The following RAB3GAP2 variants were observed in gnomAD, a reference collection of about 807,000 sequenced individuals.
The protein encoded by RAB3GAP2 is RAB3 GTPase activating non-catalytic protein subunit 2, also known as rab3 GTPase-activating protein non-catalytic subunit.
RAB3GAP2 carries 87 observed loss-of-function variants against 185.3 expected under a neutral mutation model. That is an observed-to-expected ratio of 0.47 (90% confidence interval 0.39 to 0.56). The LOEUF (loss-of-function observed/expected upper bound fraction) is 0.56. RAB3GAP2 is among the 20% of genes least tolerant of loss of function. The probability of loss-of-function intolerance (pLI) is 0.00; values close to 1 mark genes in which losing one functional copy is unlikely to be tolerated. For missense variants in RAB3GAP2, 1,492 were observed against 1,638.2 expected, an observed-to-expected ratio of 0.91 and a Z score of 1.54; for synonymous variants, 554 against 576.1, an observed-to-expected ratio of 0.96 and a Z score of 0.55.
chr1:220,190,416 C>A lies in RAB3GAP2; in HGVS notation c.1592G>T (p.Ser531Ile). Residue 531 changes from serine (S) to isoleucine (I), a missense_variant, in exon 15 of 35, where the codon AGT becomes ATT. Physicochemically the swap from Ser to Ile is moderately radical, Grantham distance 142. This residue lies in a region of RAB3GAP2 where 681 missense variants were observed against 689.1 expected (regional missense o/e 0.99). Coordinates refer to ENST00000358951, the MANE Select transcript of RAB3GAP2 (RefSeq NM_012414.4). ...QICLVDPVSG[S>I]VKTVNVPFHL... ...GAAGGGAACGTTCACTGTTTTCACA[C>A]TTCCAGACACTGGATCAACCAGACA... is the stretch of plus-strand genomic sequence containing the variant. 6.2e-7 allele frequency: 1 copy of A among 1,614,126 alleles called. No individual in the cohort carries two copies. Among genetic ancestry groups the A allele is most frequent in the African/African-American group, 1.3e-5 (1 of 75,048 alleles).
intron 17 of RAB3GAP2, among the ~76,000 whole-genome samples, chr1:220,189,222 G>T (rs1010832015): frequency 6.6e-6 from 1 of 151,570 alleles, no homozygotes; most frequent in African/African-American, 2.4e-5. Context: ...GGATGTGTAG[G>T]TATGTGTATA....
Position 220,153,152 on chromosome 1 carries a change from G to C in RAB3GAP2, c.3867+33C>G, listed in dbSNP as rs114940727. ...ATTCCAACTATCAATTTTATAACTT[G>C]AGCCCAATTAACATTCAAAGGGTCA... On this transcript the variant is annotated intron_variant, in intron 33 of 34. Coordinates refer to ENST00000358951, the MANE Select transcript of RAB3GAP2 (RefSeq NM_012414.4). 1,708 of 1,495,710 alleles carry C rather than the reference G, an allele frequency of 1.1e-3. 18 individuals are homozygous for C. The African/African-American group carries it at 0.018, about 16-fold the overall frequency. 92.7% of individuals were successfully genotyped at this position (1,495,710 alleles called of 1,614,324 possible).
intron 21 of RAB3GAP2, among the ~76,000 whole-genome samples, chr1:220,178,162 A>G (rs1157831122): frequency 6.6e-6 from 1 of 152,206 alleles, no homozygotes; most frequent in African/African-American, 2.4e-5. Context: ...TTAAAGGAAA[A>G]AAACTGCCAC....
At chr1:220,185,764 T>C in intron 17 of RAB3GAP2, 23 bp from the exon 18 acceptor site, 1 of 1,563,326 alleles carries the variant, frequency 6.4e-7, no homozygotes, top group Non-Finnish European at 8.8e-7. Flanking sequence ...TATTGAACAG[T>C]TCTAGTAATT....
At position 220,210,824 on chromosome 1, in the gene RAB3GAP2, C is replaced by T; in HGVS notation, c.487G>A (p.Gly163Ser). The T allele has an allele frequency of 1.2e-6, 2 of 1,613,602 alleles. No homozygotes were observed. Among genetic ancestry groups the T allele is most frequent in the Non-Finnish European group, 8.5e-7 (1 of 1,179,726 alleles). ...ACCTCAGTGTAGAAGCGTACATAAC[C>T]TGAAGTAAAACCCACCACAATGCAG... Reference protein sequence around the residue: ...WTCIVVGFTSGYVRFYTENGV... With the variant: ...WTCIVVGFTSSYVRFYTENGV... The change falls in exon 6 of 35, where the codon GGT becomes AGT. Residue 163 changes from glycine to serine, a missense_variant. By Grantham distance (56) the Gly-to-Ser change is moderately conservative (BLOSUM62 0). Transcript: ENST00000358951.
intron 1 of RAB3GAP2, chr1:220,265,893 C>G (rs1283438830): frequency 6.6e-6 from 1 of 152,388 alleles, no homozygotes; most frequent in African/African-American, 2.4e-5. Context: ...CCACTGCACT[C>G]TGGCCTGGGT....
chr1:220,236,213 T>G (rs146543638), intron 1 of RAB3GAP2, among the ~76,000 whole-genome samples: 101 of 152,300 alleles, frequency 6.6e-4, no homozygotes, highest in African/African-American at 2.4e-3. Flanking sequence ...AGTCTTGTTC[T>G]GTCACCAGGC....
At chr1:220,254,073 T>C in intron 1 of RAB3GAP2, 1 of 1,613,934 alleles carries the variant, frequency 6.2e-7, no homozygotes, top group Non-Finnish European at 8.5e-7. Context: ...AACCGTGGCT[T>C]GTTGATGACT....
chr1:220,159,235 C>A (rs1331438228), intron 29 of RAB3GAP2, 151 bp downstream of exon 29: 2 of 667,374 alleles, frequency 3.0e-6, no homozygotes, highest in Non-Finnish European at 5.3e-6. Context: ...GACCAGTTTC[C>A]TTAATGCAGT....
chr1:220,239,989 T>TAA (rs146214516), intron 1 of RAB3GAP2, among the ~76,000 whole-genome samples: 2 of 135,008 alleles, frequency 1.5e-5, no homozygotes, highest in Admixed American at 7.4e-5. Context: ...TTTTGAAGAT[T>TAA]AAAAAAAAAA....
intron 17 of RAB3GAP2, 76 bp downstream of exon 17, chr1:220,189,627 T>C (rs1037601223): frequency 9.4e-6 from 13 of 1,386,152 alleles, no homozygotes; most frequent in Non-Finnish European, 1.3e-5. Context: ...TTGGGGGAAA[T>C]AGGAAAATAA....
At chr1:220,171,794 G>T in intron 23 of RAB3GAP2, 95 bp downstream of exon 23, 2 of 1,420,994 alleles carry the variant, frequency 1.4e-6, no homozygotes, top group African/African-American at 1.4e-5. Flanking sequence ...CCCTCTCCCC[G>T]CTCCAAAAAA....
At chr1:220,213,738 G>GT (rs934059743) in intron 3 of RAB3GAP2, 118 bp downstream of exon 3, 8 of 982,800 alleles carry the variant, frequency 8.1e-6, no homozygotes, top group Non-Finnish European at 1.0e-5. Context: ...GAGTTGGGGG[G>GT]GGGGGGAGAG....
At position 220,162,195 on chromosome 1, in the gene RAB3GAP2, T is replaced by TA. The variant is rs1657974570; in HGVS notation, c.3225+2dup. On this transcript the variant is annotated splice_region_variant and intron_variant, in intron 28 of 34. Coordinates refer to ENST00000358951, the MANE Select transcript of RAB3GAP2 (RefSeq NM_012414.4). ...AAGAAGTCAATACATGAAACTACCT[T>TA]ACCTTATCCATTAAGTATGTAGCAG... 6.5e-7 allele frequency: 1 copy of TA among 1,549,154 alleles called. No homozygotes were observed. Among genetic ancestry groups the TA allele is most frequent in the Non-Finnish European group, 8.9e-7 (1 of 1,121,400 alleles).
rs201949282 is a variant in RAB3GAP2 at position 220,254,374 on chromosome 1, C to T, written c.115+17849G>A. 2.0e-5 allele frequency: 32 copies of T among 1,612,918 alleles called. No homozygotes were observed. In the East Asian group the frequency reaches 5.8e-4, roughly 29 times the overall value. ...GCCACATCTCCTGAGATTATTTGTACGAATTGGAGCAATGTTGGCCTATAC... is the reference window on the plus strand; with the variant it reads ...GCCACATCTCCTGAGATTATTTGTATGAATTGGAGCAATGTTGGCCTATAC... On this transcript the variant is annotated intron_variant, in intron 1 of 34. Transcript: ENST00000358951.
Position 220,172,723 on chromosome 1 carries a change from C to CA in RAB3GAP2, c.2329dup (p.Trp777LeufsTer11). The CA allele has an allele frequency of 6.2e-7, 1 of 1,611,090 alleles. No individual in the cohort carries two copies. Among genetic ancestry groups the CA allele is most frequent in the Admixed American group, 1.7e-5 (1 of 60,008 alleles). On this transcript the variant is annotated frameshift_variant, in exon 22 of 35. Transcript: ENST00000358951. LOFTEE classifies it high-confidence loss of function. ...CAAAATATCCTTTTCCTTTGAAAGC[C>CA]AAACACTCAGGAGCAGAGACTGAAA...
chr1:220,167,847 C>G (rs1401318120), intron 24 of RAB3GAP2, among the ~76,000 whole-genome samples, 172 bp from the exon 25 acceptor site: 1 of 152,172 alleles, frequency 6.6e-6, no homozygotes, highest in Non-Finnish European at 1.5e-5. Flanking sequence ...TACCACGCAA[C>G]TTGTGAGGGC....
At chr1:220,271,743 G>A (rs1660336485) in intron 1 of RAB3GAP2, among the ~76,000 whole-genome samples, 1 of 152,064 alleles carries the variant, frequency 6.6e-6, no homozygotes, top group Non-Finnish European at 1.5e-5. Context: ...GGAGGTAGCA[G>A]AAGGCCACAG....
chr1:220,234,419 G>C (rs940415895), intron 1 of RAB3GAP2, among the ~76,000 whole-genome samples: 2 of 151,558 alleles, frequency 1.3e-5, no homozygotes, highest in Non-Finnish European at 2.9e-5. Context: ...CTAGTACTTG[G>C]AGTCATTGTT....
Sources: gnomAD v4.1 joint callset for allele counts (sites outside exome capture counted in the v4.1 genomes callset) on GRCh38, gnomAD v4.1.1 for gene constraint, gnomAD v4.1.1 regional missense constraint, MANE v1.5 for transcripts, NCBI Gene and HGNC (gene_info 2026-07-23, HGNC 2026-07-21) for gene names.